The following DCAF1 variants were observed in gnomAD, a reference collection of about 807,000 sequenced individuals.
The protein encoded by DCAF1 is DDB1- and CUL4-associated factor 1.
A neutral mutation model predicts 128.0 loss-of-function variants in DCAF1; 15 were observed. The ratio of observed to expected loss-of-function variants is 0.12; its 90% CI spans 0.08 to 0.18. The LOEUF is 0.18. DCAF1 is among the 10% of genes least tolerant of loss of function. DCAF1 has a pLI of 1.00. For synonymous variants in DCAF1, 610 were observed against 603.0 expected, an observed-to-expected ratio of 1.01 and a Z score of -0.17; for missense variants, 988 against 1,649.5, an observed-to-expected ratio of 0.60 and a Z score of 6.95.
intron 23 of DCAF1, among the ~76,000 whole-genome samples, chr3:51,410,948 A>G (rs1698351601): frequency 6.6e-6 from 1 of 152,296 alleles, no homozygotes; most frequent in Admixed American, 6.5e-5. Context: ...ACCTGAGGTC[A>G]GGAGTTCCAG....
At chr3:51,441,951 A>G (rs1577157481) in intron 7 of DCAF1, 54 bp from the exon 8 acceptor site, 1 of 1,517,068 alleles carries the variant, frequency 6.6e-7, no homozygotes, top group Non-Finnish European at 8.7e-7. Context: ...AGGATTAAGT[A>G]ATCCTTAATA....
the DCAF1 span, among the ~76,000 whole-genome samples, chr3:51,505,187 C>CTTTTTT: frequency 6.6e-6 from 1 of 151,832 alleles, no homozygotes; most frequent in African/African-American, 2.4e-5. Context: ...TTGCTTGAAC[C>CTTTTTT]CAGGAGGCGT....
At chr3:51,438,033 T>C (rs373016627) in intron 9 of DCAF1, 4 of 402,262 alleles carry the variant, frequency 9.9e-6, no homozygotes, top group Non-Finnish European at 1.9e-5. Context: ...ATACCTGTTA[T>C]ATGTTCATCT....
chr3:51,456,718 C>T (rs1577207659), intron 6 of DCAF1, among the ~76,000 whole-genome samples: 1 of 152,162 alleles, frequency 6.6e-6, no homozygotes, highest in African/African-American at 2.4e-5. Flanking sequence ...GACAAAACTT[C>T]CAGAGGAACG....
upstream of DCAF1, among the ~76,000 whole-genome samples, chr3:51,504,138 G>A (rs868987678): frequency 6.6e-6 from 1 of 151,636 alleles, no homozygotes; most frequent in Middle Eastern, 3.4e-3. Context: ...CCTGGTTCAG[G>A]CCATTCTCCT....
chr3:51,471,595 T>C (rs1456477032), intron 3 of DCAF1, among the ~76,000 whole-genome samples: 1 of 152,056 alleles, frequency 6.6e-6, no homozygotes, highest in East Asian at 1.9e-4. Context: ...TTGCTGGGCA[T>C]GATGGCTCAC....
chr3:51,472,980 TA>T (rs782758244), intron 3 of DCAF1, among the ~76,000 whole-genome samples: 115 of 149,988 alleles, frequency 7.7e-4, no homozygotes, highest in Non-Finnish European at 1.5e-3. Flanking sequence ...GCATTATTTA[TA>T]AAACAAGAAA....
chr3:51,468,104 G>A (rs559508814), intron 4 of DCAF1, among the ~76,000 whole-genome samples: 1 of 152,308 alleles, frequency 6.6e-6, no homozygotes, highest in South Asian at 2.1e-4. Flanking sequence ...GAGGCCAGGG[G>A]CCTAGGATCA....
chr3:51,474,630 T>A (rs1464967318), intron 3 of DCAF1, among the ~76,000 whole-genome samples: 2 of 151,730 alleles, frequency 1.3e-5, no homozygotes, highest in Non-Finnish European at 2.9e-5. Flanking sequence ...AATGTTTTTT[T>A]AAGAGACAGG....
intron 2 of DCAF1, among the ~76,000 whole-genome samples, chr3:51,484,661 C>A (rs1429243081): frequency 6.6e-6 from 1 of 151,246 alleles, no homozygotes; most frequent in Non-Finnish European, 1.5e-5. Flanking sequence ...AACAGCATGG[C>A]ACACTCCTGT....
intron 15 of DCAF1, among the ~76,000 whole-genome samples, chr3:51,419,521 TTGAGA>T (rs1250465737): frequency 6.6e-6 from 1 of 152,090 alleles, no homozygotes; most frequent in African/African-American, 2.4e-5. Flanking sequence ...AACATACTAG[TTGAGA>T]TGAGAACACA....
intron 9 of DCAF1, among the ~76,000 whole-genome samples, chr3:51,437,794 G>A (rs188136019): frequency 1.3e-5 from 2 of 151,746 alleles, no homozygotes; most frequent in Admixed American, 6.6e-5. Flanking sequence ...CAGCCTGGGT[G>A]ACAGGGTAAG....
At chr3:51,416,670 G>T in intron 18 of DCAF1, 117 bp downstream of exon 18, 1 of 1,387,994 alleles carries the variant, frequency 7.2e-7, no homozygotes, top group Non-Finnish European at 9.9e-7. Context: ...TAACTAGAAG[G>T]AATATCACTG....
the DCAF1 span, among the ~76,000 whole-genome samples, chr3:51,505,016 C>A: frequency 6.6e-6 from 1 of 152,060 alleles, no homozygotes; most frequent in Non-Finnish European, 1.5e-5. Context: ...AATCCCAGCA[C>A]TTTAGGGGGG....
chr3:51,497,994 G>T (rs1708413462), intron 1 of DCAF1, among the ~76,000 whole-genome samples: 2 of 136,784 alleles, frequency 1.5e-5, no homozygotes, highest in Admixed American at 1.7e-4. Flanking sequence ...AGCTTGCAGT[G>T]AGCTGAGATC....
intron 21 of DCAF1, 104 bp from the exon 22 acceptor site, chr3:51,413,170 A>AT (rs1698583337): frequency 6.4e-7 from 1 of 1,556,300 alleles, no homozygotes; most frequent in African/African-American, 1.4e-5. Flanking sequence ...AAGTATTTCC[A>AT]TAACTTCTCT....
intron 3 of DCAF1, among the ~76,000 whole-genome samples, chr3:51,471,880 AC>A (rs1428379866): frequency 6.6e-6 from 1 of 151,702 alleles, no homozygotes; most frequent in Non-Finnish European, 1.5e-5. Flanking sequence ...AAAAAAAAAA[AC>A]CTTCCTTTTC....
intron 23 of DCAF1, among the ~76,000 whole-genome samples, chr3:51,406,233 C>T (rs781823625): frequency 6.6e-5 from 10 of 151,082 alleles, no homozygotes; most frequent in Non-Finnish European, 1.3e-4. Flanking sequence ...GTCCCAGCTA[C>T]TCTGGAGGCT....
At chr3:51,421,298 C>T (rs1699370430) in intron 14 of DCAF1, among the ~76,000 whole-genome samples, 1 of 152,104 alleles carries the variant, frequency 6.6e-6, no homozygotes, top group South Asian at 2.1e-4. Flanking sequence ...GCTCTGTCGC[C>T]CAAGCTGGAG....
Sources: gnomAD v4.1 joint callset for allele counts (sites outside exome capture counted in the v4.1 genomes callset) on GRCh38, gnomAD v4.1.1 for gene constraint, MANE v1.5 for transcripts, NCBI Gene and HGNC (gene_info 2026-07-23, HGNC 2026-07-21) for gene names.